Variants in CNTN6 observed in about 807,000 individuals in gnomAD.
CNTN6 encodes the protein contactin 6, also known as contactin-6.
A neutral mutation model predicts 122.8 loss-of-function variants in CNTN6; 137 were observed. The ratio of observed to expected loss-of-function variants is 1.12; its 90% CI spans 0.97 to 1.29. The LOEUF is 1.29. Ranked by LOEUF, CNTN6 falls within the 50% of genes most tolerant of loss-of-function variation. The pLI, the probability that CNTN6 is intolerant of heterozygous loss-of-function variation, is 0.00. For synonymous variants in CNTN6, 570 were observed against 426.0 expected, an observed-to-expected ratio of 1.34 and a Z score of -4.16; for missense variants, 1,634 against 1,223.4, an observed-to-expected ratio of 1.34 and a Z score of -5.01.
chr3:1,187,493 T>G (rs572663523), intron 2 of CNTN6, among the ~76,000 whole-genome samples: 2 of 152,312 alleles, frequency 1.3e-5, no homozygotes, highest in South Asian at 4.1e-4. Flanking sequence ...TTTCCTGCTA[T>G]CCAGAGTCCT....
intron 2 of CNTN6, among the ~76,000 whole-genome samples, chr3:1,191,059 T>C (rs1316614991): frequency 6.6e-6 from 1 of 152,200 alleles, no homozygotes; most frequent in Admixed American, 6.5e-5. Context: ...AGAAGAAATA[T>C]GTGTTTAGTC....
intron 7 of CNTN6, among the ~76,000 whole-genome samples, chr3:1,304,631 T>A (rs1242270370): frequency 2.6e-5 from 4 of 152,172 alleles, no homozygotes; most frequent in African/African-American, 9.7e-5. Flanking sequence ...ATTATAGATA[T>A]ATTTCCCATT....
intron 1 of CNTN6, among the ~76,000 whole-genome samples, chr3:1,124,362 C>G (rs1383418089): frequency 6.6e-6 from 1 of 151,900 alleles, no homozygotes; most frequent in Non-Finnish European, 1.5e-5. Flanking sequence ...CTTTTCCCCT[C>G]CATCTCCTCC....
At chr3:1,344,876 G>A (rs906113713) in intron 11 of CNTN6, among the ~76,000 whole-genome samples, 28 of 152,076 alleles carry the variant, frequency 1.8e-4, no homozygotes, top group Admixed American at 1.7e-3. Flanking sequence ...TGTGATCTAC[G>A]TTACTTGGTA....
chr3:1,310,333 T>G (rs1479300897), intron 7 of CNTN6, among the ~76,000 whole-genome samples: 1 of 152,164 alleles, frequency 6.6e-6, no homozygotes, highest in African/African-American at 2.4e-5. Context: ...TTTGGATAGG[T>G]GTTGCATTTT....
At chr3:1,323,348 A>G (rs1240160847) in intron 8 of CNTN6, among the ~76,000 whole-genome samples, 1 of 151,822 alleles carries the variant, frequency 6.6e-6, no homozygotes, top group South Asian at 2.1e-4. Flanking sequence ...GCATTTCAAC[A>G]TGGTGGTCTA....
intron 3 of CNTN6, among the ~76,000 whole-genome samples, chr3:1,227,171 G>A (rs1346510359): frequency 6.6e-6 from 1 of 152,132 alleles, no homozygotes; most frequent in Non-Finnish European, 1.5e-5. Flanking sequence ...TTGACTAATA[G>A]CTAAGCCAAG....
At chr3:1,372,617 GT>G in intron 13 of CNTN6, 143 bp downstream of exon 13, 1 of 789,090 alleles carries the variant, frequency 1.3e-6, no homozygotes, top group Admixed American at 3.3e-5. Flanking sequence ...TTTTGTTTTG[GT>G]TTATTTTGTT....
chr3:1,260,032 C>G (rs2094819367), intron 4 of CNTN6, among the ~76,000 whole-genome samples: 1 of 152,080 alleles, frequency 6.6e-6, no homozygotes, highest in Non-Finnish European at 1.5e-5. Flanking sequence ...GTCATGTAGG[C>G]CATGCCTCTG....
At chr3:1,288,814 G>C (rs967453030) in intron 5 of CNTN6, among the ~76,000 whole-genome samples, 1 of 152,182 alleles carries the variant, frequency 6.6e-6, no homozygotes, top group African/African-American at 2.4e-5. Context: ...GGCTGTAAAA[G>C]ATGTCAAAAC....
chr3:1,402,211 A>T, intron 21 of CNTN6, 107 bp from the exon 22 acceptor site: 1 of 771,038 alleles, frequency 1.3e-6, no homozygotes, highest in Non-Finnish European at 2.0e-6. Flanking sequence ...TCTGAGGAGT[A>T]CAACATTTAT....
intron 1 of CNTN6, among the ~76,000 whole-genome samples, chr3:1,140,959 A>G (rs1466685646): frequency 6.6e-6 from 1 of 152,186 alleles, no homozygotes; most frequent in Non-Finnish European, 1.5e-5. Context: ...AAAGAATTTG[A>G]TGGCACAATT....
chr3:1,206,420 C>G (rs1049683301), intron 2 of CNTN6, among the ~76,000 whole-genome samples: 12 of 152,168 alleles, frequency 7.9e-5, no homozygotes, highest in Admixed American at 5.9e-4. Context: ...CTTTCTAAGG[C>G]CAACCACTGC....
intron 5 of CNTN6, among the ~76,000 whole-genome samples, chr3:1,280,094 A>G (rs1354960743): frequency 2.6e-5 from 4 of 152,176 alleles, no homozygotes; most frequent in African/African-American, 7.2e-5. Flanking sequence ...CTGTCAGTCT[A>G]TGTCATTTTA....
rs1559597218 is a variant in CNTN6 at position 1,245,292 on chromosome 3, TA to T, written c.358+17301del. 8.7e-3 allele frequency among the ~76,000 whole-genome samples: 94 copies of T among 10,846 alleles called. 23 individuals carry two copies. Among genetic ancestry groups the T allele is most frequent in the Non-Finnish European group, 0.014 (84 of 6,016 alleles). 7.1% of individuals were successfully genotyped at this position (10,846 alleles called of 152,430 possible). On this transcript the variant is annotated intron_variant, in intron 4 of 22. Transcript: ENST00000446702. The stretch of plus-strand genomic sequence containing the variant: ...ATATATATACACACACATATATATA[TA>T]ACATATATATATATATATATATATA...
intron 4 of CNTN6, among the ~76,000 whole-genome samples, chr3:1,273,932 A>G (rs57601283): frequency 0.046 from 7,013 of 152,216 alleles, 585 homozygotes; most frequent in African/African-American, 0.16. Context: ...TGTTCCTAGG[A>G]TTGTGGAGCA....
intron 12 of CNTN6, among the ~76,000 whole-genome samples, chr3:1,367,863 C>A (rs1416514127): frequency 6.6e-6 from 1 of 152,104 alleles, no homozygotes; most frequent in African/African-American, 2.4e-5. Flanking sequence ...GAAGCGACTT[C>A]AAAAGTAGTC....
chr3:1,178,067 A>T (rs113453073), intron 2 of CNTN6, among the ~76,000 whole-genome samples: 2,429 of 151,800 alleles, frequency 0.016, 66 homozygotes, highest in African/African-American at 0.054. Flanking sequence ...CGCCTGATTA[A>T]TTTTTGTATT....
In CNTN6 at chr3:1,373,757, C is replaced by G; in HGVS notation, c.1940C>G (p.Ala647Gly). The change falls in exon 15 of 23, where the codon GCT (alanine) becomes GGT (glycine). Residue 647 changes from alanine (A) to glycine (G), a missense_variant. By Grantham distance (60) the Ala-to-Gly change is moderately conservative. Transcript: ENST00000446702. The part of the protein sequence containing the change: ...TPFSVGWQAV[A>G]TVPEILNGKT... ...TTTTCTGTGGGTTGGCAGGCTGTTG[C>G]TACAGGTGAGTGACAAAAGTGTTTT... 1 of 1,599,514 alleles carries G rather than the reference C, an allele frequency of 6.3e-7. No individual in the cohort carries two copies.
Sources: gnomAD v4.1 joint callset for allele counts (sites outside exome capture counted in the v4.1 genomes callset) on GRCh38, gnomAD v4.1.1 for gene constraint, MANE v1.5 for transcripts, NCBI Gene and HGNC (gene_info 2026-07-23, HGNC 2026-07-21) for gene names.